CADPS2: variants seen among roughly 807,000 people sequenced by gnomAD.
The protein encoded by CADPS2 is calcium-dependent secretion activator 2.
CADPS2 carries 93 observed loss-of-function variants against 172.5 expected under a neutral mutation model. The ratio of observed to expected loss-of-function variants is 0.54; its 90% CI spans 0.46 to 0.64. CADPS2 has a LOEUF of 0.64. Ranked by LOEUF, CADPS2 falls within the 30% of genes least tolerant of loss-of-function variation. CADPS2 has a pLI of 0.00. For synonymous variants in CADPS2, 546 were observed against 555.2 expected, an observed-to-expected ratio of 0.98 and a Z score of 0.23; for missense variants, 1,420 against 1,565.9, an observed-to-expected ratio of 0.91 and a Z score of 1.57.
intron 14 of CADPS2, 37 bp downstream of exon 14, chr7:122,471,338 C>T: frequency 6.4e-7 from 1 of 1,555,888 alleles, no homozygotes; most frequent in Non-Finnish European, 8.7e-7. Flanking sequence ...CATAGTCAAC[C>T]CCATACATTT....
At chr7:122,510,692 C>T (rs1257434533) in intron 9 of CADPS2, among the ~76,000 whole-genome samples, 1 of 152,142 alleles carries the variant, frequency 6.6e-6, no homozygotes, top group African/African-American at 2.4e-5. Context: ...CCTGTGAAAA[C>T]GATTCCTTCA....
chr7:122,425,229 T>C (rs767396908), intron 17 of CADPS2, among the ~76,000 whole-genome samples: 10 of 151,788 alleles, frequency 6.6e-5, no homozygotes, highest in Non-Finnish European at 1.3e-4. Flanking sequence ...GATCCATCTT[T>C]ATCAGGCTCC....
At chr7:122,551,185 T>G (rs938994452) in intron 8 of CADPS2, among the ~76,000 whole-genome samples, 1 of 152,116 alleles carries the variant, frequency 6.6e-6, no homozygotes, top group African/African-American at 2.4e-5. Context: ...TTTATTTCAT[T>G]TATTTTAGGC....
chr7:122,754,930 A>G (rs1648692296), intron 1 of CADPS2, among the ~76,000 whole-genome samples: 1 of 152,198 alleles, frequency 6.6e-6, no homozygotes. Flanking sequence ...TATTCTTAAG[A>G]ACATAGGAGA....
intron 8 of CADPS2, among the ~76,000 whole-genome samples, chr7:122,518,615 G>C (rs1044768564): frequency 3.3e-5 from 5 of 152,028 alleles, no homozygotes; most frequent in Non-Finnish European, 5.9e-5. Context: ...GCGGGTCTAT[G>C]CTGCAGCTGT....
rs2061858330 is a variant in CADPS2 at position 122,532,531 on chromosome 7, C to T, written c.1476-19216G>A. ...ACACTGCCGCACTCCGACCTCTCCC[C>T]ACCCCCACCCCCCTACCCCGCCAAC... On this transcript the variant is annotated intron_variant, in intron 8 of 29. Transcript: ENST00000449022. Among the ~76,000 whole-genome samples the T allele has an allele frequency of 2.1e-5, 3 of 145,198 alleles. No homozygotes were observed. In the South Asian group the frequency reaches 6.8e-4, roughly 33 times the overall value.
intron 9 of CADPS2, among the ~76,000 whole-genome samples, chr7:122,510,854 T>A (rs1046286800): frequency 1.3e-5 from 2 of 152,154 alleles, no homozygotes; most frequent in Admixed American, 1.3e-4. Context: ...GATTTTGAAG[T>A]GTGTGCCCTC....
At chr7:122,878,238 G>A (rs1234769422) in intron 1 of CADPS2, among the ~76,000 whole-genome samples, 4 of 124,254 alleles carry the variant, frequency 3.2e-5, no homozygotes, top group African/African-American at 3.2e-5. Flanking sequence ...CCAGCCTGGC[G>A]ACAGAGCGAA....
At chr7:122,491,841 C>A (rs2058314825) in intron 9 of CADPS2, among the ~76,000 whole-genome samples, 1 of 152,130 alleles carries the variant, frequency 6.6e-6, no homozygotes, top group African/African-American at 2.4e-5. Context: ...CCTAGATTTA[C>A]ATAAACATGG....
At chr7:122,366,269 G>C (rs1167889762) in intron 25 of CADPS2, among the ~76,000 whole-genome samples, 1 of 151,634 alleles carries the variant, frequency 6.6e-6, no homozygotes, top group East Asian at 1.9e-4. Flanking sequence ...GGAGAAAATA[G>C]GTTGTCTTCC....
At chr7:122,671,411 G>A (rs1426630022) in intron 2 of CADPS2, among the ~76,000 whole-genome samples, 5 of 152,130 alleles carry the variant, frequency 3.3e-5, no homozygotes, top group African/African-American at 1.2e-4. Flanking sequence ...ATACTGCAGA[G>A]GAAGAAATCA....
chr7:122,783,163 C>A (rs905718604), intron 1 of CADPS2, among the ~76,000 whole-genome samples: 1 of 149,400 alleles, frequency 6.7e-6, no homozygotes, highest in African/African-American at 2.5e-5. Context: ...TTGCAGTGAG[C>A]CGAGAGGCGA....
chr7:122,570,158 T>C (rs1028261539), intron 7 of CADPS2, among the ~76,000 whole-genome samples: 20 of 149,834 alleles, frequency 1.3e-4, no homozygotes, highest in Admixed American at 3.3e-4. Flanking sequence ...ATATCCAGAA[T>C]CTACAATGAA....
At chr7:122,623,549 A>T (rs1271965522) in intron 4 of CADPS2, among the ~76,000 whole-genome samples, 1 of 152,230 alleles carries the variant, frequency 6.6e-6, no homozygotes, top group African/African-American at 2.4e-5. Context: ...TGTCTGAAAG[A>T]GGTGCAAATA....
intron 6 of CADPS2, among the ~76,000 whole-genome samples, chr7:122,598,512 G>A (rs564140942): frequency 3.3e-5 from 5 of 152,198 alleles, no homozygotes; most frequent in Admixed American, 1.3e-4. Context: ...CACAGAAAGT[G>A]ATTCGTACAA....
chr7:122,725,511 A>G (rs2137277886), intron 2 of CADPS2, among the ~76,000 whole-genome samples: 1 of 151,514 alleles, frequency 6.6e-6, no homozygotes, highest in African/African-American at 2.4e-5. Context: ...AATAGTGTAC[A>G]CGTACCCAAT....
intron 1 of CADPS2, among the ~76,000 whole-genome samples, chr7:122,781,047 T>C (rs766464606): frequency 5.0e-4 from 76 of 152,206 alleles, no homozygotes; most frequent in Non-Finnish European, 1.0e-3. Flanking sequence ...ATAAGAATAC[T>C]TTCTTACCAC....
chr7:122,851,807 C>G (rs1813713372), intron 1 of CADPS2, among the ~76,000 whole-genome samples: 1 of 152,192 alleles, frequency 6.6e-6, no homozygotes, highest in Non-Finnish European at 1.5e-5. Flanking sequence ...ATTCAATTAC[C>G]TCCCACTAGA....
At chr7:122,371,444 G>T (rs2041750514) in intron 25 of CADPS2, among the ~76,000 whole-genome samples, 2 of 152,274 alleles carry the variant, frequency 1.3e-5, no homozygotes, top group East Asian at 1.9e-4. Context: ...AATGCCAGAT[G>T]CTTATAAAAC....
Sources: allele counts gnomAD v4.1 joint callset (sites outside exome capture counted in the v4.1 genomes callset), GRCh38; gene constraint gnomAD v4.1.1; transcripts MANE v1.5; gene names NCBI Gene and HGNC (gene_info 2026-07-23, HGNC 2026-07-21).